Variants in CREB5 observed in about 807,000 individuals in gnomAD.
CREB5 encodes cyclic AMP-responsive element-binding protein 5.
A neutral mutation model predicts 57.1 loss-of-function variants in CREB5; 19 were observed. The ratio of observed to expected loss-of-function variants is 0.33; its 90% CI spans 0.23 to 0.49. The LOEUF is 0.49. CREB5 is among the 20% of genes least tolerant of loss of function. The pLI is 0.99. For synonymous variants in CREB5, 238 were observed against 238.3 expected, an observed-to-expected ratio of 1.00 and a Z score of 0.01; for missense variants, 579 against 671.6, an observed-to-expected ratio of 0.86 and a Z score of 1.52.
chr7:28,651,359 T>C (rs1394271166), intron 5 of CREB5, among the ~76,000 whole-genome samples: 3 of 152,164 alleles, frequency 2.0e-5, no homozygotes, highest in Admixed American at 6.5e-5. Flanking sequence ...CCACCAAATA[T>C]GTTCAAAAAG....
At chr7:28,535,536 T>A (rs898731514) in intron 4 of CREB5, among the ~76,000 whole-genome samples, 16 of 151,826 alleles carry the variant, frequency 1.1e-4, no homozygotes, top group Admixed American at 2.0e-4. Context: ...CTTATGCTTG[T>A]TTAAAAACCC....
chr7:28,464,209 T>C (rs1218159638), intron 1 of CREB5, among the ~76,000 whole-genome samples: 2 of 152,234 alleles, frequency 1.3e-5, no homozygotes, highest in African/African-American at 4.8e-5. Context: ...ATCCTTTTTA[T>C]ATGTTGCTGG....
At chr7:28,360,975 G>A (rs1284039491) in intron 1 of CREB5, among the ~76,000 whole-genome samples, 1 of 152,102 alleles carries the variant, frequency 6.6e-6, no homozygotes, top group African/African-American at 2.4e-5. Context: ...GGTGCTACCA[G>A]CATCTAGTAG....
rs1562798112 is a variant in CREB5 at position 28,560,957 on chromosome 7, T to TGTGCGCGTGTGCGTGCGTGCGC, written c.292-9403_292-9402insCGTGTGCGTGCGTGCGCGTGCG. On this transcript the variant is annotated intron_variant, in intron 4 of 10. Transcript: ENST00000357727. ...GTGTGCGTGCGTGTGTGTGCGTGTG[T>TGTGCGCGTGTGCGTGCGTGCGC]GTGCGTGTGTGTGTGCGTGTGTGCG... Among the ~76,000 whole-genome samples, 173 of 43,440 alleles carry TGTGCGCGTGTGCGTGCGTGCGC rather than the reference T, an allele frequency of 4.0e-3. 19 individuals carry two copies. The highest frequency in any genetic ancestry group is 6.4e-3 in the Non-Finnish European group (146 of 22,772). The allele number at this position is 43,440 out of a possible 152,430, so 28.5% of individuals were successfully genotyped here. A position where few individuals can be genotyped will look rare whatever the true frequency, so the allele number is the denominator to read the frequency against.
intron 3 of CREB5, among the ~76,000 whole-genome samples, chr7:28,495,203 T>C (rs1463646491): frequency 1.3e-5 from 2 of 152,168 alleles, no homozygotes; most frequent in African/African-American, 2.4e-5. Context: ...ATATGAAATA[T>C]GTATTACTAT....
chr7:28,622,756 C>T (rs1362289324), intron 5 of CREB5, among the ~76,000 whole-genome samples: 1 of 151,624 alleles, frequency 6.6e-6, no homozygotes, highest in Non-Finnish European at 1.5e-5. Flanking sequence ...TGTGGTGGCT[C>T]ATGCCTGTAA....
intron 1 of CREB5, among the ~76,000 whole-genome samples, chr7:28,327,010 G>A (rs530884775): frequency 1.1e-4 from 17 of 152,088 alleles, no homozygotes; most frequent in Admixed American, 2.6e-4. Context: ...TTAGCCGGGC[G>A]TGGTGGCAGA....
intron 5 of CREB5, among the ~76,000 whole-genome samples, chr7:28,712,524 T>TTTTTTATTATTATTA (rs1554289900): frequency 7.4e-6 from 1 of 135,318 alleles, no homozygotes; most frequent in African/African-American, 2.9e-5. Flanking sequence ...AAAAAGAGAA[T>TTTTTTATTATTATTA]TTATTATTAT....
intron 5 of CREB5, among the ~76,000 whole-genome samples, chr7:28,643,758 G>GT (rs368834555): frequency 3.7e-5 from 3 of 81,452 alleles, no homozygotes; most frequent in South Asian, 4.6e-4. Flanking sequence ...AGGTGGGGGG[G>GT]GGCGGAAGAA....
intron 4 of CREB5, among the ~76,000 whole-genome samples, chr7:28,561,428 T>G (rs1261314012): frequency 6.6e-6 from 1 of 152,216 alleles, no homozygotes; most frequent in African/African-American, 2.4e-5. Flanking sequence ...GTAATGATGA[T>G]GAGAATAGTG....
chr7:28,695,570 G>A (rs1279336681), intron 5 of CREB5, among the ~76,000 whole-genome samples: 1 of 152,160 alleles, frequency 6.6e-6, no homozygotes, highest in Non-Finnish European at 1.5e-5. Context: ...TTTGCCTCCA[G>A]CCATCAGCCC....
intron 1 of CREB5, among the ~76,000 whole-genome samples, chr7:28,375,894 C>A (rs544023232): frequency 7.2e-5 from 11 of 152,184 alleles, no homozygotes; most frequent in Non-Finnish European, 1.6e-4. Flanking sequence ...TAAGTACTAT[C>A]ATTACTCCCA....
chr7:28,686,909 C>G (rs555972783), intron 5 of CREB5, among the ~76,000 whole-genome samples: 17 of 150,718 alleles, frequency 1.1e-4, no homozygotes, highest in African/African-American at 2.9e-4. Context: ...GATTCTCTCT[C>G]TCTGTTTTTT....
At chr7:28,765,341 G>C (rs746574375) in intron 7 of CREB5, among the ~76,000 whole-genome samples, 4 of 152,184 alleles carry the variant, frequency 2.6e-5, no homozygotes, top group Admixed American at 2.6e-4. Context: ...TTTTACCCTT[G>C]TACAAATCCA....
intron 1 of CREB5, among the ~76,000 whole-genome samples, chr7:28,300,276 T>C (rs1246918370): frequency 6.6e-6 from 1 of 152,110 alleles, no homozygotes; most frequent in Non-Finnish European, 1.5e-5. Context: ...ACTGACTGAA[T>C]GGGCTGTGAG....
chr7:28,759,262 G>T (rs1395175429), intron 7 of CREB5, among the ~76,000 whole-genome samples: 1 of 152,166 alleles, frequency 6.6e-6, no homozygotes, highest in Non-Finnish European at 1.5e-5. Flanking sequence ...GCTAAGATAT[G>T]TTAGATCATG....
At chr7:28,391,598 T>C (rs879695543) in intron 1 of CREB5, among the ~76,000 whole-genome samples, 7 of 152,230 alleles carry the variant, frequency 4.6e-5, no homozygotes, top group Non-Finnish European at 8.8e-5. Context: ...ACTCCAATTC[T>C]GATGGTCAAT....
At chr7:28,559,240 C>A (rs930760886) in intron 4 of CREB5, among the ~76,000 whole-genome samples, 3 of 152,196 alleles carry the variant, frequency 2.0e-5, no homozygotes, top group African/African-American at 7.2e-5. Flanking sequence ...ATTGAGGAGA[C>A]TGTTAAGCTG....
At chr7:28,729,136 C>A (rs1412672355) in intron 7 of CREB5, among the ~76,000 whole-genome samples, 1 of 152,082 alleles carries the variant, frequency 6.6e-6, no homozygotes, top group African/African-American at 2.4e-5. Context: ...ATGAAAGAAG[C>A]TAAAAGGATG....
Sources: allele counts gnomAD v4.1 joint callset (sites outside exome capture counted in the v4.1 genomes callset), GRCh38; gene constraint gnomAD v4.1.1; transcripts MANE v1.5; gene names NCBI Gene and HGNC (gene_info 2026-07-23, HGNC 2026-07-21).